The following RBFOX1 variants were observed in gnomAD, a reference collection of about 807,000 sequenced individuals.
RBFOX1 encodes the protein RNA binding fox-1 homolog 1, also known as RNA binding protein fox-1 homolog 1.
RBFOX1 carries 8 observed loss-of-function variants against 57.7 expected under a neutral mutation model. That is an observed-to-expected ratio of 0.14 (90% CI 0.08 to 0.25). The LOEUF (loss-of-function observed/expected upper bound fraction) is 0.25, where lower values mean the gene tolerates loss of function less well. RBFOX1 is among the 10% of genes least tolerant of loss of function. The pLI, the probability that RBFOX1 is intolerant of heterozygous loss-of-function variation, is 1.00. For missense variants in RBFOX1, 611 were observed against 548.5 expected, an observed-to-expected ratio of 1.11 and a Z score of -1.14; for synonymous variants, 326 against 222.4, an observed-to-expected ratio of 1.47 and a Z score of -4.15.
rs1157409183 is a variant in RBFOX1, at chr16:5,526,883, G to A, written c.258+59629G>A. On this transcript the variant is annotated intron_variant, in intron 2 of 2. Coordinates refer to the RBFOX1 transcript ENST00000585867. ...CTTGCATGGGAATCTACTGCTGGCT[G>A]TTTGTGTGACCTTGGGCACATTTGC... 5.3e-5 allele frequency among the ~76,000 whole-genome samples: 8 copies of A among 152,192 alleles called. 1 individual carries two copies. The highest frequency in any genetic ancestry group is 5.2e-4 in the Admixed American group (8 of 15,278).
chr16:6,101,061 C>T (rs748571875), intron 1 of RBFOX1, among the ~76,000 whole-genome samples: 1 of 152,196 alleles, frequency 6.6e-6, no homozygotes, highest in Non-Finnish European at 1.5e-5. Flanking sequence ...CACTAGCTAG[C>T]AGTTTGACCT....
chr16:6,719,490 G>A (rs1379064972), intron 3 of RBFOX1, among the ~76,000 whole-genome samples: 1 of 151,714 alleles, frequency 6.6e-6, no homozygotes, highest in Admixed American at 6.6e-5. Context: ...ACCCAGGATG[G>A]GGTGCAGTGG....
chr16:7,511,259 C>A (rs11640247), intron 4 of RBFOX1, among the ~76,000 whole-genome samples: 1 of 152,122 alleles, frequency 6.6e-6, no homozygotes, highest in Non-Finnish European at 1.5e-5. Flanking sequence ...GTTTTGCAAA[C>A]CCTGACTGGC....
At chr16:6,340,283 C>G (rs1406385919) in intron 2 of RBFOX1, among the ~76,000 whole-genome samples, 9 of 152,020 alleles carry the variant, frequency 5.9e-5, no homozygotes, top group African/African-American at 2.2e-4. Flanking sequence ...GAGAGTTAGG[C>G]CTAGCTCACT....
At chr16:6,707,838 G>A (rs138750113) in intron 3 of RBFOX1, among the ~76,000 whole-genome samples, 285 of 152,262 alleles carry the variant, frequency 1.9e-3, no homozygotes, top group African/African-American at 6.5e-3. Context: ...CCTTCCCCAA[G>A]CTCAAAGCGC....
intron 2 of RBFOX1, among the ~76,000 whole-genome samples, chr16:5,556,861 C>G (rs561609521): frequency 1.8e-4 from 27 of 152,234 alleles, no homozygotes; most frequent in Non-Finnish European, 3.1e-4. Context: ...CTGTCATTGA[C>G]ACACAGTTTA....
At chr16:6,535,985 A>G (rs1272032907) in intron 2 of RBFOX1, among the ~76,000 whole-genome samples, 2 of 152,174 alleles carry the variant, frequency 1.3e-5, no homozygotes, top group Non-Finnish European at 2.9e-5. Flanking sequence ...CAACGACTTC[A>G]TATATATCTA....
At chr16:6,572,489 C>G (rs937409491) in intron 2 of RBFOX1, among the ~76,000 whole-genome samples, 6 of 152,140 alleles carry the variant, frequency 3.9e-5, no homozygotes, top group Admixed American at 3.9e-4. Context: ...TATATATAAA[C>G]TCATTAAAAT....
At position 5,988,145 on chromosome 16, in the gene RBFOX1, GC is replaced by G. The variant is rs1251180915; in HGVS notation, c.351+120811del. Among the ~76,000 whole-genome samples the G allele has an allele frequency of 6.6e-5, 10 of 152,236 alleles. No homozygotes were observed. In the East Asian group the frequency reaches 1.4e-3, roughly 21 times the overall value. On this transcript the variant is annotated intron_variant, in intron 4 of 19. Coordinates refer to the RBFOX1 transcript ENST00000641259. The stretch of plus-strand genomic sequence containing the variant: ...ATTCTATCTTGGGACTTCTCTTTGG[GC>G]TGTAACTAAATCAGATTTTCAGGAG...
intron 3 of RBFOX1, among the ~76,000 whole-genome samples, chr16:5,783,564 T>C (rs565955306): frequency 3.2e-4 from 49 of 152,228 alleles, no homozygotes; most frequent in Non-Finnish European, 8.8e-5. Flanking sequence ...TAAATTCTCT[T>C]CCAGCTCTGA....
intron 2 of RBFOX1, among the ~76,000 whole-genome samples, chr16:5,500,424 T>C (rs1383663079): frequency 2.0e-5 from 3 of 152,054 alleles, no homozygotes; most frequent in Non-Finnish European, 4.4e-5. Context: ...AGTCTCCTTA[T>C]GTTGCCCAGG....
intron 2 of RBFOX1, among the ~76,000 whole-genome samples, chr16:6,368,499 C>T (rs1314088011): frequency 6.6e-6 from 1 of 152,204 alleles, no homozygotes; most frequent in Non-Finnish European, 1.5e-5. Flanking sequence ...TCTGGGTGTG[C>T]ACCTCTGCAT....
intron 5 of RBFOX1, among the ~76,000 whole-genome samples, chr16:7,521,235 A>C (rs1294917294): frequency 3.9e-5 from 6 of 152,216 alleles, no homozygotes; most frequent in Non-Finnish European, 7.3e-5. Flanking sequence ...AGAAGAGGCC[A>C]GTATGTTTTG....
At chr16:6,572,005 C>A (rs1278721596) in intron 2 of RBFOX1, among the ~76,000 whole-genome samples, 2 of 152,080 alleles carry the variant, frequency 1.3e-5, no homozygotes, top group African/African-American at 4.8e-5. Flanking sequence ...CATTTTTATA[C>A]CTTTACATGG....
intron 3 of RBFOX1, among the ~76,000 whole-genome samples, chr16:6,834,834 G>C (rs2092967867): frequency 6.7e-6 from 1 of 150,062 alleles, no homozygotes; most frequent in Non-Finnish European, 1.5e-5. Context: ...TTGTGACTTT[G>C]TCCATCTGGA....
intron 3 of RBFOX1, among the ~76,000 whole-genome samples, chr16:6,679,780 G>A (rs2058333497): frequency 6.6e-6 from 1 of 150,406 alleles, no homozygotes; most frequent in African/African-American, 2.5e-5. Flanking sequence ...CTTCCTTTCT[G>A]TTTTCAAGTT....
intron 5 of RBFOX1, among the ~76,000 whole-genome samples, chr16:7,574,321 G>C (rs2093094381): frequency 6.6e-6 from 1 of 152,164 alleles, no homozygotes; most frequent in South Asian, 2.1e-4. Context: ...TAGAGGGAAA[G>C]AACTAATAAA....
At position 7,493,329 on chromosome 16, in the gene RBFOX1, GTCATC is replaced by G. The variant is rs942032582; in HGVS notation, c.28-24814_28-24810del. Among the ~76,000 whole-genome samples the G allele has an allele frequency of 3.6e-4, 55 of 152,286 alleles. 1 individual carries two copies. The highest frequency in any genetic ancestry group is 1.2e-3 in the African/African-American group (51 of 41,554). On this transcript the variant is annotated intron_variant, in intron 4 of 15. Coordinates refer to ENST00000550418, the MANE Select transcript of RBFOX1 (RefSeq NM_018723.4). ...GACAGTACAGATATGGAATATTTCT[GTCATC>G]TCAGCAAGTTTTATTGGACAGTCTT...
intron 3 of RBFOX1, among the ~76,000 whole-genome samples, chr16:6,977,680 A>T (rs1015974292): frequency 2.6e-5 from 4 of 152,180 alleles, no homozygotes; most frequent in Admixed American, 2.6e-4. Context: ...TGCCAAGCAC[A>T]TTAGCACTTG....
Sources: gnomAD v4.1 joint callset for allele counts (sites outside exome capture counted in the v4.1 genomes callset) on GRCh38, gnomAD v4.1.1 for gene constraint, MANE v1.5 for transcripts, NCBI Gene and HGNC (gene_info 2026-07-23, HGNC 2026-07-21) for gene names.